Variants in WDR93 observed in about 807,000 individuals in gnomAD.
The protein encoded by WDR93 is WD repeat-containing protein 93.
WDR93 carries 73 observed loss-of-function variants against 82.9 expected under a neutral mutation model. The observed-to-expected ratio is 0.88, with a 90% confidence interval of 0.73 to 1.07. WDR93 has a LOEUF of 1.07. WDR93 is among the 50% of genes least tolerant of loss of function. WDR93 has a pLI of 0.00. For synonymous variants in WDR93, 283 were observed against 300.1 expected (o/e 0.94, Z 0.59); for missense variants, 738 against 826.0 (o/e 0.89, Z 1.31).
intron 5 of WDR93, among the ~76,000 whole-genome samples, chr15:89,713,420 A>G (rs1966090893): frequency 2.0e-5 from 3 of 151,876 alleles, no homozygotes; most frequent in African/African-American, 7.3e-5. Context: ...CCTCTATTTT[A>G]TACTCTTGTC....
At chr15:89,725,481 C>T (rs1966696907) in intron 8 of WDR93, among the ~76,000 whole-genome samples, 1 of 151,772 alleles carries the variant, frequency 6.6e-6, no homozygotes, top group Non-Finnish European at 1.5e-5. Context: ...TGCCACTCTT[C>T]CCAGAGAATT....
At chr15:89,717,287 C>T (rs542563016) in intron 7 of WDR93, among the ~76,000 whole-genome samples, 13 of 152,084 alleles carry the variant, frequency 8.5e-5, no homozygotes, top group South Asian at 4.2e-4. Context: ...CTTCAACTCC[C>T]GACCTCAGGT....
intron 1 of WDR93, among the ~76,000 whole-genome samples, chr15:89,694,200 G>A (rs1448198123): frequency 6.7e-6 from 1 of 148,996 alleles, no homozygotes; most frequent in African/African-American, 2.5e-5. Context: ...CTTTGGTTAA[G>A]TATCTGTACA....
intron 12 of WDR93, 25 bp downstream of exon 12, chr15:89,731,587 T>G: frequency 6.2e-7 from 1 of 1,613,554 alleles, no homozygotes; most frequent in Non-Finnish European, 8.5e-7. Context: ...CCTCTCTACC[T>G]AGTACCTGGG....
At chr15:89,729,594 G>A in intron 10 of WDR93, 89 bp from the exon 11 acceptor site, 1 of 985,904 alleles carries the variant, frequency 1.0e-6, no homozygotes, top group East Asian at 2.5e-5. Flanking sequence ...AGCTTCTCTT[G>A]GGCAAACACC....
At chr15:89,720,656 A>G (rs1966489189) in intron 7 of WDR93, among the ~76,000 whole-genome samples, 1 of 152,218 alleles carries the variant, frequency 6.6e-6, no homozygotes, top group Non-Finnish European at 1.5e-5. Flanking sequence ...TTCTCATAAA[A>G]TCCGTTGTGA....
intron 8 of WDR93, among the ~76,000 whole-genome samples, chr15:89,725,546 CT>C (rs35770679): frequency 1.6e-4 from 23 of 144,944 alleles, no homozygotes; most frequent in East Asian, 2.0e-4. Context: ...TGTTCTATTT[CT>C]TTTTTTTTTT....
intron 10 of WDR93, 79 bp downstream of exon 10, chr15:89,729,172 G>C: frequency 4.4e-6 from 6 of 1,351,000 alleles, no homozygotes; most frequent in Non-Finnish European, 6.4e-6. Context: ...CCACAGAGAT[G>C]TTCCCCAACA....
intron 6 of WDR93, among the ~76,000 whole-genome samples, chr15:89,715,615 G>A (rs533077896): frequency 1.5e-4 from 23 of 151,750 alleles, no homozygotes; most frequent in Non-Finnish European, 2.1e-4. Context: ...TTTGAGTCTC[G>A]CTCTGTTGCC....
intron 5 of WDR93, among the ~76,000 whole-genome samples, chr15:89,712,396 C>CT (rs1170109589): frequency 0.015 from 1,202 of 80,462 alleles, 88 homozygotes; most frequent in Middle Eastern, 0.025. Flanking sequence ...TTCCACTAAT[C>CT]TTTTTTTTTT....
At position 89,722,048 on chromosome 15, in the gene WDR93, GT is replaced by G; in HGVS notation, c.796-3del. On this transcript the variant is annotated splice_polypyrimidine_tract_variant and splice_region_variant and intron_variant, in intron 7 of 16. Coordinates refer to ENST00000268130, the MANE Select transcript of WDR93 (RefSeq NM_020212.2). ...GGCTTATTAACTATGCCTTTTCCTT[GT>G]TTTAGGATGCAAATGTTAGTTTTAA... 1.3e-5 allele frequency: 20 copies of G among 1,576,322 alleles called. No individual in the cohort carries two copies. The highest frequency in any genetic ancestry group is 1.7e-5 in the Non-Finnish European group (20 of 1,154,996).
At position 89,702,023 on chromosome 15, in the gene WDR93, G is replaced by C. The variant is rs373370465; in HGVS notation, c.277G>C (p.Val93Leu). 1 of 1,610,738 alleles carries C rather than the reference G, an allele frequency of 6.2e-7. No homozygotes were observed. Among genetic ancestry groups the C allele is most frequent in the Non-Finnish European group, 8.5e-7 (1 of 1,178,570 alleles). Residue 93 changes from valine (V) to leucine (L), a missense_variant, in exon 2 of 17, where the codon GTC becomes CTC. Coordinates refer to ENST00000268130, the MANE Select transcript of WDR93 (RefSeq NM_020212.2). ...TGAGAGCAGCCAGATCCAGCCCACC[G>C]TCTACCCTCCACTTGGAGAAATCCA... is the stretch of plus-strand genomic sequence containing the variant. ...EAESSQIQPT[V>L]YPPLGEIQLN... is the part of the protein sequence containing the mutation.
At chr15:89,699,470 T>C (rs901280689) in intron 1 of WDR93, among the ~76,000 whole-genome samples, 18 of 152,094 alleles carry the variant, frequency 1.2e-4, no homozygotes, top group African/African-American at 4.3e-4. Context: ...TAATTTTATA[T>C]AGTTTTTCTT....
chr15:89,711,454 G>C (rs1000602085), intron 4 of WDR93, among the ~76,000 whole-genome samples: 1 of 150,970 alleles, frequency 6.6e-6, no homozygotes, highest in African/African-American at 2.4e-5. Context: ...TGCAAGCCAG[G>C]AGTTCAAGAC....
intron 4 of WDR93, 30 bp from the exon 5 acceptor site, chr15:89,711,996 C>G: frequency 1.3e-6 from 2 of 1,580,878 alleles, no homozygotes; most frequent in South Asian, 2.2e-5. Flanking sequence ...CAGGCTATGC[C>G]TACTCTATCA....
chr15:89,730,067 A>G (rs1022472137), intron 11 of WDR93, among the ~76,000 whole-genome samples: 11 of 152,344 alleles, frequency 7.2e-5, no homozygotes, highest in Admixed American at 2.0e-4. Context: ...GCTCACGCCT[A>G]TAATCCCAGC....
At position 89,727,323 on chromosome 15, in the gene WDR93, A is replaced by AGC; in HGVS notation, c.1047_1048insGC (p.Leu350AlafsTer47). 6.2e-7 allele frequency: 1 copy of AGC among 1,613,672 alleles called. No individual in the cohort carries two copies. The highest frequency in any genetic ancestry group is 8.5e-7 in the Non-Finnish European group (1 of 1,179,916). On this transcript the variant is annotated frameshift_variant, in exon 9 of 17. Coordinates refer to ENST00000268130, the MANE Select transcript of WDR93 (RefSeq NM_020212.2). LOFTEE classifies it high-confidence loss of function. ...TAGATAGGGAGTGGGAGGAAGAGCCACTCAGGTGAGCCTCCTAATCCCGGG... is the reference window on the plus strand; with the variant it reads ...TAGATAGGGAGTGGGAGGAAGAGCCAGCCTCAGGTGAGCCTCCTAATCCCGGG...
rs1965476293 is a variant in WDR93 at position 89,701,788 on chromosome 15, C to A, written c.42C>A (p.His14Gln). Reference sequence around the variant, plus strand: ...GAAGTCAGACCCAGAAAATAAAGCACCCCATTGGTACACGAAAGGGACCAT... The same window carrying A: ...GAAGTCAGACCCAGAAAATAAAGCAACCCATTGGTACACGAAAGGGACCAT... The part of the protein sequence containing the change: ...PRGSQTQKIK[H>Q]PIGTRKGPLE... Residue 14 changes from histidine to glutamine, a missense_variant, in exon 2 of 17, where the codon CAC becomes CAA. His to Gln is a conservative substitution (Grantham distance 24). Coordinates refer to ENST00000268130, the MANE Select transcript of WDR93 (RefSeq NM_020212.2). 1.9e-6 allele frequency: 3 copies of A among 1,613,880 alleles called. No individual in the cohort carries two copies. The highest frequency in any genetic ancestry group is 2.2e-5 in the East Asian group (1 of 44,892).
In WDR93 at chr15:89,690,814, C is replaced by G. The variant is rs569295657; in HGVS notation, c.-84C>G. 6 of 560,060 alleles carry G rather than the reference C, an allele frequency of 1.1e-5. No individual in the cohort carries two copies. Among genetic ancestry groups the G allele is most frequent in the Non-Finnish European group, 1.9e-5 (6 of 314,682 alleles). 34.7% of individuals were successfully genotyped at this position (560,060 alleles called of 1,614,324 possible). ...CAACTTCGCGGACTTCCGGTTCAAGCCGGAAGTTGTGGTTACCAAGGCGAC... is the reference window on the plus strand; with the variant it reads ...CAACTTCGCGGACTTCCGGTTCAAGGCGGAAGTTGTGGTTACCAAGGCGAC... On this transcript the variant is annotated 5_prime_UTR_variant, in exon 1 of 17. Transcript: ENST00000268130.
Sources: allele counts gnomAD v4.1 joint callset (sites outside exome capture counted in the v4.1 genomes callset), GRCh38; gene constraint gnomAD v4.1.1; transcripts MANE v1.5; gene names NCBI Gene and HGNC (gene_info 2026-07-23, HGNC 2026-07-21).